ANKFN1: variants seen among roughly 807,000 people sequenced by gnomAD.
The protein encoded by ANKFN1 is ankyrin repeat and fibronectin type-III domain-containing protein 1.
A neutral mutation model predicts 108.7 loss-of-function variants in ANKFN1; 74 were observed. The ratio of observed to expected loss-of-function variants is 0.68; its 90% CI spans 0.56 to 0.83. ANKFN1 has a LOEUF of 0.83. ANKFN1 is among the 40% of genes least tolerant of loss of function. The pLI is 0.00. For missense variants in ANKFN1, 1,505 were observed against 1,382.3 expected, an observed-to-expected ratio of 1.09 and a Z score of -1.41; for synonymous variants, 547 against 516.2, an observed-to-expected ratio of 1.06 and a Z score of -0.81.
intron 8 of ANKFN1, among the ~76,000 whole-genome samples, chr17:56,422,631 CT>C (rs1372292592): frequency 3.3e-5 from 5 of 151,666 alleles, no homozygotes; most frequent in African/African-American, 9.7e-5. Flanking sequence ...ATCCTCATTA[CT>C]TTTTTTTTAT....
intron 1 of ANKFN1, among the ~76,000 whole-genome samples, chr17:56,155,864 T>C (rs1909056646): frequency 6.6e-6 from 1 of 152,192 alleles, no homozygotes; most frequent in African/African-American, 2.4e-5. Flanking sequence ...GCGCAGAGGA[T>C]AGTGTTCTAT....
At chr17:56,101,877 T>C (rs1352119485) in intron 4 of ANKFN1, among the ~76,000 whole-genome samples, 1 of 152,104 alleles carries the variant, frequency 6.6e-6, no homozygotes, top group African/African-American at 2.4e-5. Context: ...TGAATCAGAG[T>C]CTCTGGAGGT....
At chr17:56,070,193 AC>A (rs1314234726) in intron 4 of ANKFN1, among the ~76,000 whole-genome samples, 1 of 151,944 alleles carries the variant, frequency 6.6e-6, no homozygotes, top group East Asian at 1.9e-4. Context: ...ATTTTACCTC[AC>A]CCCTACTCAA....
At chr17:56,428,974 A>T (rs1439050060) in intron 8 of ANKFN1, among the ~76,000 whole-genome samples, 2 of 151,252 alleles carry the variant, frequency 1.3e-5, no homozygotes, top group African/African-American at 4.9e-5. Flanking sequence ...GGCCACTGTG[A>T]GGGATGCAAA....
Position 56,086,356 on chromosome 17 carries a change from G to C in ANKFN1, c.288+40031G>C, listed in dbSNP as rs887105843. Among the ~76,000 whole-genome samples, 11 of 151,308 alleles carry C rather than the reference G, an allele frequency of 7.3e-5. 1 individual carries two copies. The South Asian group carries it at 1.7e-3, about 23-fold the overall frequency. On this transcript the variant is annotated intron_variant, in intron 4 of 12. Transcript: ENST00000635860. ...GGAGGCAGAGGTTGCACTGAGCCAA[G>C]ATCACACCATTGCACTCCAGCCTGG...
intron 4 of ANKFN1, among the ~76,000 whole-genome samples, chr17:56,089,266 C>G (rs188432479): frequency 6.6e-6 from 1 of 151,358 alleles, no homozygotes. Context: ...CTGCATAATA[C>G]TCCATCATAC....
intron 1 of ANKFN1, among the ~76,000 whole-genome samples, chr17:56,164,354 G>T (rs755347848): frequency 2.0e-5 from 3 of 151,984 alleles, no homozygotes; most frequent in African/African-American, 4.8e-5. Flanking sequence ...TCCTCAACAC[G>T]CCATAGTTCG....
chr17:56,499,131 G>C (rs1168512044), intron 20 of ANKFN1, 33 bp downstream of exon 20: 1 of 1,525,686 alleles, frequency 6.6e-7, no homozygotes, highest in African/African-American at 1.4e-5. Flanking sequence ...CTGTTGTTTA[G>C]TCCCTGGACT....
At chr17:56,271,096 G>T (rs1369294568) in intron 3 of ANKFN1, among the ~76,000 whole-genome samples, 1 of 151,952 alleles carries the variant, frequency 6.6e-6, no homozygotes, top group Admixed American at 6.6e-5. Flanking sequence ...TGCAACCTCT[G>T]CCTTCTGGGC....
At chr17:56,231,647 A>G (rs892996137) in intron 3 of ANKFN1, among the ~76,000 whole-genome samples, 3 of 152,182 alleles carry the variant, frequency 2.0e-5, no homozygotes, top group Admixed American at 2.0e-4. Flanking sequence ...TGGGCTTTCC[A>G]TGCACAAAGG....
At chr17:56,494,515 C>T (rs2051135982) in intron 19 of ANKFN1, among the ~76,000 whole-genome samples, 1 of 151,860 alleles carries the variant, frequency 6.6e-6, no homozygotes, top group Non-Finnish European at 1.5e-5. Context: ...TCTCTTGAGC[C>T]CAGAAGTTCA....
Position 56,084,580 on chromosome 17 carries a change from C to T in ANKFN1, c.288+38255C>T, listed in dbSNP as rs115067341. Among the ~76,000 whole-genome samples the T allele has an allele frequency of 7.6e-3, 1,151 of 151,322 alleles. 47 individuals are homozygous for T. The highest frequency in any genetic ancestry group is 0.026 in the African/African-American group (1,067 of 41,272). On this transcript the variant is annotated intron_variant, in intron 4 of 12. Transcript: ENST00000635860. ...AGCTGTGCTCCAAAAGCTTTTCCAC[C>T]GGGTAAGGGCCTGGTCCTTCCTGCG...
chr17:56,404,638 A>G (rs2047863288), intron 8 of ANKFN1, among the ~76,000 whole-genome samples: 2 of 152,032 alleles, frequency 1.3e-5, no homozygotes, highest in Non-Finnish European at 2.9e-5. Context: ...TTAATAACTA[A>G]CCTCATGAAT....
chr17:56,320,791 T>C (rs1284646942), intron 3 of ANKFN1, among the ~76,000 whole-genome samples: 1 of 152,142 alleles, frequency 6.6e-6, no homozygotes, highest in Non-Finnish European at 1.5e-5. Flanking sequence ...AGAATCCCGT[T>C]TCTCAAAAAT....
intron 4 of ANKFN1, among the ~76,000 whole-genome samples, chr17:56,342,890 T>TA (rs2045996036): frequency 6.6e-6 from 1 of 152,226 alleles, no homozygotes; most frequent in African/African-American, 2.4e-5. Flanking sequence ...AGTGGGGTGT[T>TA]AGAGTCTCCC....
At chr17:56,061,126 A>G (rs993963143) in intron 4 of ANKFN1, among the ~76,000 whole-genome samples, 10 of 152,084 alleles carry the variant, frequency 6.6e-5, no homozygotes, top group African/African-American at 2.2e-4. Context: ...TTATTGGTCT[A>G]TTCAGGGATT....
At chr17:56,365,674 A>T (rs2046641934) in intron 6 of ANKFN1, among the ~76,000 whole-genome samples, 1 of 152,224 alleles carries the variant, frequency 6.6e-6, no homozygotes, top group African/African-American at 2.4e-5. Flanking sequence ...GTGGTCCCAT[A>T]AAATTATAAG....
chr17:56,335,938 T>C (rs1281476726), intron 4 of ANKFN1, among the ~76,000 whole-genome samples: 3 of 152,240 alleles, frequency 2.0e-5, no homozygotes, highest in Admixed American at 2.0e-4. Context: ...GCTGTTGAAT[T>C]TTGTCAAAGG....
At chr17:56,200,415 G>T (rs1201928724) in intron 1 of ANKFN1, among the ~76,000 whole-genome samples, 2 of 152,154 alleles carry the variant, frequency 1.3e-5, no homozygotes, top group Non-Finnish European at 2.9e-5. Context: ...GGTTTTAGTT[G>T]CTTCATCCAT....
Sources: gnomAD v4.1 joint callset for allele counts (sites outside exome capture counted in the v4.1 genomes callset) on GRCh38, gnomAD v4.1.1 for gene constraint, MANE v1.5 for transcripts, NCBI Gene and HGNC (gene_info 2026-07-23, HGNC 2026-07-21) for gene names.